Variants in RAB38 observed in about 807,000 individuals in gnomAD.
RAB38 encodes RAB38, member RAS oncogene family, also known as ras-related protein Rab-38.
RAB38 carries 15 observed loss-of-function variants against 18.4 expected under a neutral mutation model. The ratio of observed to expected loss-of-function variants is 0.82; its 90% CI spans 0.55 to 1.26. RAB38 has a LOEUF of 1.26. RAB38 is among the 50% of genes most tolerant of loss of function. RAB38 has a pLI of 0.00. For missense variants in RAB38, 294 were observed against 267.4 expected, an observed-to-expected ratio of 1.10 and a Z score of -0.69; for synonymous variants, 101 against 104.4, an observed-to-expected ratio of 0.97 and a Z score of 0.20.
chr11:88,036,600 G>C, the RAB38 span, among the ~76,000 whole-genome samples: 1 of 151,996 alleles, frequency 6.6e-6, no homozygotes. Context: ...TTTATTGAGT[G>C]TACCTTCAAA....
intron 2 of RAB38, among the ~76,000 whole-genome samples, chr11:88,126,049 G>C (rs1008599854): frequency 6.6e-6 from 1 of 152,212 alleles, no homozygotes. Context: ...TACTTCTGAG[G>C]ACTCTGTTCT....
At chr11:88,151,627 T>C (rs767963206) in intron 1 of RAB38, among the ~76,000 whole-genome samples, 12 of 152,338 alleles carry the variant, frequency 7.9e-5, no homozygotes, top group Non-Finnish European at 1.6e-4. Context: ...ATGCTAAAAC[T>C]GGGATGTATC....
the RAB38 span, among the ~76,000 whole-genome samples, chr11:88,069,213 G>T: frequency 1.3e-5 from 2 of 152,220 alleles, no homozygotes; most frequent in African/African-American, 4.8e-5. Flanking sequence ...TGCGGAGGGG[G>T]TGCCGGGTCC....
the RAB38 span, among the ~76,000 whole-genome samples, chr11:87,868,608 A>AGAGAGAGAGG: frequency 1.3e-4 from 13 of 103,050 alleles, no homozygotes; most frequent in South Asian, 6.7e-4. Context: ...AGAGAGAGAG[A>AGAGAGAGAGG]GAGAGAGAGA....
the RAB38 span, among the ~76,000 whole-genome samples, chr11:88,030,907 G>A: frequency 0.015 from 2,257 of 151,074 alleles, 49 homozygotes; most frequent in African/African-American, 0.051. Flanking sequence ...ATACCAAAGC[G>A]GGGCAGAGAC....
intron 1 of RAB38, among the ~76,000 whole-genome samples, chr11:88,168,843 C>A (rs145701595): frequency 6.6e-6 from 1 of 152,168 alleles, no homozygotes; most frequent in African/African-American, 2.4e-5. Flanking sequence ...AAGGACTTCA[C>A]AAACCCATTC....
the RAB38 span, among the ~76,000 whole-genome samples, chr11:87,893,390 A>ATATATATATATTT: frequency 3.2e-4 from 30 of 93,886 alleles, no homozygotes; most frequent in African/African-American, 8.2e-4. Context: ...ATATATATAT[A>ATATATATATATTT]TTTTTTTTTT....
At chr11:87,855,150 AT>A in the RAB38 span, among the ~76,000 whole-genome samples, 4 of 151,692 alleles carry the variant, frequency 2.6e-5, no homozygotes, top group Non-Finnish European at 5.9e-5. Flanking sequence ...AGTTTCCCTC[AT>A]TTTTTTCTAA....
At chr11:88,094,794 T>C in the RAB38 span, among the ~76,000 whole-genome samples, 1 of 151,988 alleles carries the variant, frequency 6.6e-6, no homozygotes, top group African/African-American at 2.4e-5. Flanking sequence ...GAGTGTGTTC[T>C]TTGTGCTGGC....
At chr11:87,830,762 G>A in the RAB38 span, among the ~76,000 whole-genome samples, 1 of 151,550 alleles carries the variant, frequency 6.6e-6, no homozygotes. Flanking sequence ...TATAGATAAG[G>A]AAATTAAATT....
At chr11:88,086,834 G>A in the RAB38 span, among the ~76,000 whole-genome samples, 627 of 151,826 alleles carry the variant, frequency 4.1e-3, 9 homozygotes, top group African/African-American at 0.014. Context: ...TATTTCTAGC[G>A]GACTATTCTG....
chr11:88,120,477 G>A (rs1055334598), intron 2 of RAB38, among the ~76,000 whole-genome samples: 1 of 152,214 alleles, frequency 6.6e-6, no homozygotes, highest in Non-Finnish European at 1.5e-5. Flanking sequence ...GTGACGCAGA[G>A]AAGCCAGGTC....
chr11:87,932,303 G>A, the RAB38 span, among the ~76,000 whole-genome samples: 1 of 151,942 alleles, frequency 6.6e-6, no homozygotes, highest in Non-Finnish European at 1.5e-5. Context: ...TTTAAAAAAA[G>A]AGAGAGAGAT....
At chr11:88,139,929 C>T (rs1942885487) in intron 2 of RAB38, among the ~76,000 whole-genome samples, 1 of 152,200 alleles carries the variant, frequency 6.6e-6, no homozygotes, top group African/African-American at 2.4e-5. Flanking sequence ...ATTTGACAGC[C>T]ATTGCAGGTG....
chr11:88,054,124 A>G, the RAB38 span, among the ~76,000 whole-genome samples: 1 of 152,220 alleles, frequency 6.6e-6, no homozygotes, highest in Non-Finnish European at 1.5e-5. Flanking sequence ...GCACACACCC[A>G]GCCACATCTC....
the RAB38 span, chr11:87,816,508 AGAGCT>A: frequency 2.0e-5 from 3 of 152,312 alleles, no homozygotes; most frequent in East Asian, 5.8e-4. Context: ...GATTATTAAT[AGAGCT>A]GGTGTTAATT....
the RAB38 span, among the ~76,000 whole-genome samples, chr11:87,893,390 A>ATATATATATATATATATTTTC: frequency 1.1e-5 from 1 of 93,916 alleles, no homozygotes; most frequent in Non-Finnish European, 2.1e-5. Flanking sequence ...ATATATATAT[A>ATATATATATATATATATTTTC]TTTTTTTTTT....
the RAB38 span, among the ~76,000 whole-genome samples, chr11:87,841,363 G>C: frequency 1.1e-4 from 17 of 152,236 alleles, no homozygotes; most frequent in South Asian, 3.3e-3. Flanking sequence ...TCATCTTCCT[G>C]CTGACATGTG....
At chr11:88,039,551 G>C in the RAB38 span, among the ~76,000 whole-genome samples, 2 of 152,128 alleles carry the variant, frequency 1.3e-5, no homozygotes, top group Non-Finnish European at 2.9e-5. Context: ...GAGGGATTAA[G>C]AGCTGTCTCC....
Sources: allele counts gnomAD v4.1 joint callset (sites outside exome capture counted in the v4.1 genomes callset), GRCh38; gene constraint gnomAD v4.1.1; transcripts MANE v1.5; gene names NCBI Gene and HGNC (gene_info 2026-07-23, HGNC 2026-07-21).